Variants in HCN1 observed in about 807,000 individuals in gnomAD.
HCN1 encodes hyperpolarization activated cyclic nucleotide gated potassium channel 1, also known as potassium/sodium hyperpolarization-activated cyclic nucleotide-gated channel 1.
In HCN1, 13 loss-of-function variants were observed where a neutral mutation model predicts 78.9. The ratio of observed to expected loss-of-function variants is 0.16; its 90% CI spans 0.11 to 0.26. HCN1 has a LOEUF of 0.26. Ranked by LOEUF, HCN1 falls within the 10% of genes least tolerant of loss-of-function variation. The pLI is 1.00. For synonymous variants in HCN1, 552 were observed against 455.5 expected (o/e 1.21, Z -2.70); for missense variants, 810 against 1,154.3 (o/e 0.70, Z 4.32).
At chr5:45,513,102 C>T (rs1742448026) in intron 2 of HCN1, among the ~76,000 whole-genome samples, 1 of 151,984 alleles carries the variant, frequency 6.6e-6, no homozygotes, top group African/African-American at 2.4e-5. Flanking sequence ...GCGTTAAGGA[C>T]ACATATGCAC....
At chr5:45,663,356 A>G (rs2112062511) in intron 1 of HCN1, among the ~76,000 whole-genome samples, 1 of 142,062 alleles carries the variant, frequency 7.0e-6, no homozygotes, top group Non-Finnish European at 1.5e-5. Context: ...TAAAAACCCT[A>G]GAAGAAAACC....
At chr5:45,420,350 A>G (rs557334011) in intron 3 of HCN1, among the ~76,000 whole-genome samples, 10 of 152,204 alleles carry the variant, frequency 6.6e-5, no homozygotes, top group Admixed American at 1.3e-4. Context: ...TATGATTTAT[A>G]CATTTTGGAA....
intron 2 of HCN1, among the ~76,000 whole-genome samples, chr5:45,513,504 G>A (rs1742457646): frequency 6.6e-6 from 1 of 152,110 alleles, no homozygotes; most frequent in Non-Finnish European, 1.5e-5. Context: ...ACCAGGCCTG[G>A]ACTGGCATTG....
At chr5:45,619,279 T>C (rs756720291) in intron 2 of HCN1, among the ~76,000 whole-genome samples, 3 of 152,086 alleles carry the variant, frequency 2.0e-5, no homozygotes, top group Non-Finnish European at 4.4e-5. Context: ...GCAATGAGCG[T>C]ATCTGGCACC....
chr5:45,612,043 C>T, intron 2 of HCN1, among the ~76,000 whole-genome samples: 1 of 152,126 alleles, frequency 6.6e-6, no homozygotes, highest in Non-Finnish European at 1.5e-5. Flanking sequence ...AGTTTAAAAC[C>T]TTTGACATAC....
intron 2 of HCN1, among the ~76,000 whole-genome samples, chr5:45,518,324 A>T (rs1408812435): frequency 6.6e-6 from 1 of 151,908 alleles, no homozygotes; most frequent in African/African-American, 2.4e-5. Context: ...GCAGTATGAG[A>T]GGCCTCTCTT....
At chr5:45,331,991 G>A (rs899470123) in intron 5 of HCN1, among the ~76,000 whole-genome samples, 1 of 151,370 alleles carries the variant, frequency 6.6e-6, no homozygotes, top group Admixed American at 6.6e-5. Flanking sequence ...GTCAACTGGG[G>A]GGATATTTTA....
chr5:45,402,863 C>CCTTCCTTT, intron 3 of HCN1, among the ~76,000 whole-genome samples: 1 of 139,780 alleles, frequency 7.2e-6, no homozygotes, highest in South Asian at 2.3e-4. Context: ...TTCCTTCCTT[C>CCTTCCTTT]CTCTACTTCC....
intron 4 of HCN1, among the ~76,000 whole-genome samples, chr5:45,393,559 A>G (rs553233863): frequency 1.3e-5 from 2 of 152,316 alleles, no homozygotes; most frequent in South Asian, 4.1e-4. Flanking sequence ...GGACATTAGT[A>G]ACTTAAAATC....
chr5:45,670,759 C>A (rs1746135301), intron 1 of HCN1, among the ~76,000 whole-genome samples: 1 of 151,584 alleles, frequency 6.6e-6, no homozygotes, highest in African/African-American at 2.4e-5. Context: ...TCTTTCAATG[C>A]ATATTTTTCA....
chr5:45,603,543 C>T (rs1744667343), intron 2 of HCN1, among the ~76,000 whole-genome samples: 1 of 151,912 alleles, frequency 6.6e-6, no homozygotes, highest in African/African-American at 2.4e-5. Flanking sequence ...TATGCTCTTT[C>T]TACAGAATAT....
chr5:45,375,817 A>C lies in HCN1; in HGVS notation c.1230+20675T>G, dbSNP rs188585550. Among the ~76,000 whole-genome samples the C allele has an allele frequency of 7.5e-3, 833 of 110,884 alleles. 17 individuals are homozygous for C. The highest frequency in any genetic ancestry group is 0.025 in the African/African-American group (608 of 24,392). 72.7% of individuals were successfully genotyped at this position (110,884 alleles called of 152,430 possible). A position where few individuals can be genotyped will look rare whatever the true frequency, so the allele number is the denominator to read the frequency against. On this transcript the variant is annotated intron_variant, in intron 4 of 7. Transcript: ENST00000303230. Reference sequence around the variant, plus strand: ...TTATGATATATCTTATATATAATATAATATTTTATGATATATCTTATATAT... The same window carrying C: ...TTATGATATATCTTATATATAATATCATATTTTATGATATATCTTATATAT...
intron 5 of HCN1, among the ~76,000 whole-genome samples, chr5:45,326,231 A>C (rs77691931): frequency 0.057 from 8,637 of 151,706 alleles, 366 homozygotes; most frequent in East Asian, 0.13. Context: ...TACCCACATA[A>C]ATTTTTAAAA....
intron 6 of HCN1, among the ~76,000 whole-genome samples, chr5:45,290,817 C>T (rs1406262976): frequency 6.6e-6 from 1 of 151,424 alleles, no homozygotes; most frequent in Non-Finnish European, 1.5e-5. Flanking sequence ...TATATAAATG[C>T]TGCAAATAAT....
At chr5:45,444,219 G>T (rs1479283172) in intron 3 of HCN1, among the ~76,000 whole-genome samples, 1 of 152,020 alleles carries the variant, frequency 6.6e-6, no homozygotes. Context: ...TCAGTAAGAG[G>T]CTATTAAAAA....
chr5:45,292,748 AAAG>A lies in HCN1; in HGVS notation c.1618+10848_1618+10850del, dbSNP rs551797339. Among the ~76,000 whole-genome samples the A allele has an allele frequency of 9.9e-4, 151 of 152,112 alleles. 2 individuals carry two copies. In the South Asian group the frequency reaches 0.03, roughly 30 times the overall value. The stretch of plus-strand genomic sequence containing the variant: ...CTTTTCTAAGTTTAGAGCTGGTGAC[AAAG>A]AAGAAGAAATAAAGATTAAGAGCAG... On this transcript the variant is annotated intron_variant, in intron 6 of 7. Transcript: ENST00000303230.
intron 2 of HCN1, among the ~76,000 whole-genome samples, chr5:45,506,457 C>A (rs1742303178): frequency 6.6e-6 from 1 of 152,076 alleles, no homozygotes; most frequent in South Asian, 2.1e-4. Context: ...TATTAAATAA[C>A]AACTGACCAC....
At chr5:45,277,771 G>T (rs964274603) in intron 6 of HCN1, among the ~76,000 whole-genome samples, 2 of 152,188 alleles carry the variant, frequency 1.3e-5, no homozygotes, top group South Asian at 2.1e-4. Context: ...CCCATACAAC[G>T]ATCTGGCTGG....
At chr5:45,694,907 T>C (rs996731727) in intron 1 of HCN1, among the ~76,000 whole-genome samples, 3 of 152,208 alleles carry the variant, frequency 2.0e-5, no homozygotes, top group African/African-American at 7.2e-5. Flanking sequence ...AAAAGATTTT[T>C]GAAATAGACT....
Sources: gnomAD v4.1 joint callset for allele counts (sites outside exome capture counted in the v4.1 genomes callset) on GRCh38, gnomAD v4.1.1 for gene constraint, MANE v1.5 for transcripts, NCBI Gene and HGNC (gene_info 2026-07-23, HGNC 2026-07-21) for gene names.